The following VWA3A variants were observed in gnomAD, a reference collection of about 807,000 sequenced individuals.
VWA3A encodes von Willebrand factor A domain-containing protein 3A.
A neutral mutation model predicts 160.4 loss-of-function variants in VWA3A; 134 were observed. That is an observed-to-expected ratio of 0.84 (90% CI 0.73 to 0.96). The LOEUF (loss-of-function observed/expected upper bound fraction) is 0.96. VWA3A is among the 40% of genes least tolerant of loss of function. The pLI is 0.00. For synonymous variants in VWA3A, 476 were observed against 543.4 expected, an observed-to-expected ratio of 0.88 and a Z score of 1.72; for missense variants, 1,310 against 1,447.9, an observed-to-expected ratio of 0.90 and a Z score of 1.55.
chr16:22,109,500 G>T lies in VWA3A; in HGVS notation c.502G>T (p.Gly168Trp). 1 of 1,608,000 alleles carries T rather than the reference G, an allele frequency of 6.2e-7. No homozygotes were observed. ...NSKKAFGLIK[G>W]ARVSILIDVS... ...GTTTTAGGCATTTGGCCTCATCAAA[G>T]GGGCCAGAGTCAGCATCCTCATAGA... The change falls in exon 7 of 34, where the codon GGG (glycine) becomes TGG (tryptophan). Residue 168 changes from glycine (G) to tryptophan (W), a missense_variant. Gly to Trp is a radical substitution (Grantham distance 184). Transcript: ENST00000389398.
intron 28 of VWA3A, among the ~76,000 whole-genome samples, chr16:22,149,374 G>A (rs2046308417): frequency 6.6e-6 from 1 of 152,112 alleles, no homozygotes; most frequent in Non-Finnish European, 1.5e-5. Flanking sequence ...AAGTAGCTTG[G>A]ACTACAGGCG....
chr16:22,123,735 C>A, intron 16 of VWA3A, 28 bp downstream of exon 16: 1 of 1,593,818 alleles, frequency 6.3e-7, no homozygotes, highest in Non-Finnish European at 8.6e-7. Flanking sequence ...GGTTCTTATC[C>A]TTCATGGGTC....
At chr16:22,116,135 A>C (rs2045638806) in intron 9 of VWA3A, among the ~76,000 whole-genome samples, 1 of 151,208 alleles carries the variant, frequency 6.6e-6, no homozygotes, top group African/African-American at 2.4e-5. Context: ...AAGGAAGGAA[A>C]GAAAGGAGAG....
chr16:22,123,078 A>C lies in VWA3A; in HGVS notation c.1357-7A>C, dbSNP rs1309125397. 4 of 1,594,646 alleles carry C rather than the reference A, an allele frequency of 2.5e-6. No homozygotes were observed. Among genetic ancestry groups the C allele is most frequent in the Non-Finnish European group, 3.4e-6 (4 of 1,169,736 alleles). On this transcript the variant is annotated splice_polypyrimidine_tract_variant and splice_region_variant and intron_variant, in intron 14 of 33. Transcript: ENST00000389398. The stretch of plus-strand genomic sequence containing the variant: ...CTGCTCACCCTCCTGCCCATGCCTG[A>C]GTATAGAAGGCAATGATACAATTTG...
chr16:22,093,971 C>T (rs949531848), intron 1 of VWA3A, among the ~76,000 whole-genome samples: 7 of 150,962 alleles, frequency 4.6e-5, no homozygotes, highest in Non-Finnish European at 7.4e-5. Flanking sequence ...GACGGGGTCT[C>T]GTTATGTTGG....
At chr16:22,105,946 C>T (rs900375514) in intron 6 of VWA3A, among the ~76,000 whole-genome samples, 2 of 152,188 alleles carry the variant, frequency 1.3e-5, no homozygotes, top group Non-Finnish European at 2.9e-5. Context: ...AGACTACCAA[C>T]ATGACCAGTA....
chr16:22,121,503 T>A lies in VWA3A; in HGVS notation c.1253-11T>A, dbSNP rs1188779905. ...TCAGGCAGTGCCTCCAACCTCACAC[T>A]TTTTTTTCAGCCAAGAAATTAAGTC... On this transcript the variant is annotated splice_polypyrimidine_tract_variant and intron_variant, in intron 13 of 33. Transcript: ENST00000389398. The A allele has an allele frequency of 1.9e-6, 3 of 1,595,810 alleles. No homozygotes were observed. Among genetic ancestry groups the A allele is most frequent in the Non-Finnish European group, 2.6e-6 (3 of 1,165,712 alleles).
chr16:22,094,791 C>T (rs1013106734), intron 1 of VWA3A, among the ~76,000 whole-genome samples: 3 of 151,990 alleles, frequency 2.0e-5, no homozygotes, highest in African/African-American at 7.2e-5. Flanking sequence ...CATGGTGAAA[C>T]CCCGTCTCTA....
At chr16:22,093,864 A>G (rs1178695061) in intron 1 of VWA3A, among the ~76,000 whole-genome samples, 1 of 151,956 alleles carries the variant, frequency 6.6e-6, no homozygotes, top group Non-Finnish European at 1.5e-5. Context: ...TCCTGGGCTC[A>G]AGTGACCTGC....
At chr16:22,152,339 G>A (rs1425971843) in intron 30 of VWA3A, among the ~76,000 whole-genome samples, 172 bp from the exon 31 acceptor site, 1 of 152,170 alleles carries the variant, frequency 6.6e-6, no homozygotes, top group East Asian at 1.9e-4. Context: ...CTGTCCAGAA[G>A]CTGGTGGGGA....
chr16:22,113,862 G>T (rs1040391314), intron 8 of VWA3A, among the ~76,000 whole-genome samples: 3 of 152,046 alleles, frequency 2.0e-5, no homozygotes, highest in African/African-American at 7.2e-5. Flanking sequence ...GCCTCCCAAA[G>T]TGCTGGGATT....
Position 22,110,879 on chromosome 16 carries a change from G to A in VWA3A, c.583-9G>A. The A allele has an allele frequency of 6.3e-7, 1 of 1,598,112 alleles. No individual in the cohort carries two copies. Reference sequence around the variant, plus strand: ...CTGTGGGAGCCAGTGATGTCCTTTTGTCCAACAGAGCCTCATCGATGAGCA... The same window carrying A: ...CTGTGGGAGCCAGTGATGTCCTTTTATCCAACAGAGCCTCATCGATGAGCA... On this transcript the variant is annotated splice_polypyrimidine_tract_variant and intron_variant, in intron 7 of 33. Transcript: ENST00000389398.
rs758032328 is a variant in VWA3A at position 22,131,588 on chromosome 16, G to A, written c.1731G>A (p.Trp577Ter). The A allele has an allele frequency of 1.6e-5, 25 of 1,612,066 alleles. No homozygotes were observed. The highest frequency in any genetic ancestry group is 2.1e-5 in the Non-Finnish European group (25 of 1,179,058). Residue 577 changes from tryptophan to a stop codon, truncating the protein, a stop_gained, in exon 19 of 34, where the codon TGG becomes TGA. Coordinates refer to ENST00000389398, the MANE Select transcript of VWA3A (RefSeq NM_173615.5). LOFTEE classifies it high-confidence loss of function. ...SHNNLQSAWRWALNLRCRGSR... is the reference protein window; with the variant it reads ...SHNNLQSAWR ...ATGGCCATCTCTGCCTCCGCAGGTG[G>A]GCCCTGAACCTGCGGTGTCGGGGCA... is the stretch of plus-strand genomic sequence containing the variant.
rs1383544462 is a variant in VWA3A, at chr16:22,155,572, C to T, written c.3411C>T (p.Pro1137=). The T allele has an allele frequency of 1.2e-6, 2 of 1,613,744 alleles. No homozygotes were observed. Among genetic ancestry groups the T allele is most frequent in the African/African-American group, 2.7e-5 (2 of 74,898 alleles). ...ACTCATTTCCTCTTTTCAAGGATCCCACATTGCCACCATTTGAAGGAGATG... is the reference window on the plus strand; with the variant it reads ...ACTCATTTCCTCTTTTCAAGGATCCTACATTGCCACCATTTGAAGGAGATG... ...LTKGFINEKD[P]TLPPFEGDDL... The change falls in exon 32 of 34, where the codon CCC becomes CCT. Residue 1137 remains proline (P), a synonymous_variant. Coordinates refer to ENST00000389398, the MANE Select transcript of VWA3A (RefSeq NM_173615.5).
At chr16:22,148,880 T>G (rs372149259) in intron 28 of VWA3A, among the ~76,000 whole-genome samples, 2 of 152,176 alleles carry the variant, frequency 1.3e-5, no homozygotes, top group East Asian at 3.9e-4. Flanking sequence ...CAGCTGAACT[T>G]GATTTGTTTT....
At chr16:22,121,719 C>CTT in intron 14 of VWA3A, 102 bp downstream of exon 14, 2 of 912,636 alleles carry the variant, frequency 2.2e-6, no homozygotes, top group Non-Finnish European at 3.4e-6. Flanking sequence ...ACCAGGGATT[C>CTT]AGGCTTCCCA....
intron 9 of VWA3A, among the ~76,000 whole-genome samples, chr16:22,115,846 G>A (rs1409867754): frequency 3.3e-4 from 1 of 3,064 alleles, no homozygotes; most frequent in African/African-American, 0.01. Context: ...AGGAAGGAAG[G>A]AAGGAAGGAA....
intron 5 of VWA3A, among the ~76,000 whole-genome samples, chr16:22,103,128 G>C (rs2045431197): frequency 6.6e-6 from 1 of 152,138 alleles, no homozygotes; most frequent in Non-Finnish European, 1.5e-5. Context: ...TGAACTCCTG[G>C]GCTCAAGTGA....
intron 25 of VWA3A, 23 bp from the exon 26 acceptor site, chr16:22,144,224 T>C: frequency 1.3e-6 from 2 of 1,599,440 alleles, no homozygotes; most frequent in Non-Finnish European, 8.5e-7. Flanking sequence ...CCTAAGATAA[T>C]AGTTCTTTCC....
Sources: allele counts gnomAD v4.1 joint callset (sites outside exome capture counted in the v4.1 genomes callset), GRCh38; gene constraint gnomAD v4.1.1; transcripts MANE v1.5; gene names NCBI Gene and HGNC (gene_info 2026-07-23, HGNC 2026-07-21).